Variants in GOT1 observed in about 807,000 individuals in gnomAD.
GOT1 encodes glutamic-oxaloacetic transaminase 1.
A neutral mutation model predicts 48.2 loss-of-function variants in GOT1; 25 were observed. The observed-to-expected ratio is 0.52, with a 90% CI of 0.38 to 0.72. The LOEUF (loss-of-function observed/expected upper bound fraction) is 0.72, where lower values mean the gene tolerates loss of function less well. Ranked by LOEUF, GOT1 falls within the 30% of genes least tolerant of loss-of-function variation. GOT1 has a pLI of 0.00. For missense variants in GOT1, 380 were observed against 520.1 expected, an observed-to-expected ratio of 0.73 and a Z score of 2.62; for synonymous variants, 188 against 193.8, an observed-to-expected ratio of 0.97 and a Z score of 0.25.
At chr10:99,406,024 C>T (rs1380042412) in intron 4 of GOT1, 113 bp downstream of exon 4, 1 of 812,348 alleles carries the variant, frequency 1.2e-6, no homozygotes, top group African/African-American at 1.7e-5. Context: ...CAGAAACCAC[C>T]ATCAGGTATG....
chr10:99,430,304 C>G (rs573880065), intron 1 of GOT1, 144 bp downstream of exon 1: 1 of 1,589,752 alleles, frequency 6.3e-7, no homozygotes, highest in South Asian at 1.1e-5. Context: ...TTTAGGAAGC[C>G]TTCGTGGATC....
intron 8 of GOT1, among the ~76,000 whole-genome samples, chr10:99,398,160 T>C (rs181924583): frequency 6.6e-6 from 1 of 152,312 alleles, no homozygotes; most frequent in East Asian, 1.9e-4. Flanking sequence ...ACCTGATCAA[T>C]CCTGTGTGAA....
chr10:99,430,063 T>C (rs1273156049), intron 1 of GOT1, among the ~76,000 whole-genome samples: 1 of 152,186 alleles, frequency 6.6e-6, no homozygotes, highest in African/African-American at 2.4e-5. Context: ...AAGTTCTCCT[T>C]TACCCATTTC....
chr10:99,404,626 C>T (rs2032729401), intron 5 of GOT1, among the ~76,000 whole-genome samples: 1 of 152,136 alleles, frequency 6.6e-6, no homozygotes, highest in Admixed American at 6.5e-5. Context: ...CCTAACTGCT[C>T]CCACGGCCTG....
In GOT1 at chr10:99,430,555, G is replaced by C. The variant is rs1230759383; in HGVS notation, c.11C>G (p.Pro4Arg). 2 of 1,602,902 alleles carry C rather than the reference G, an allele frequency of 1.2e-6. No individual in the cohort carries two copies. The highest frequency in any genetic ancestry group is 1.7e-6 in the Non-Finnish European group (2 of 1,173,550). ...CTGCGGAACCTCGGCAAAGACTGAC[G>C]GAGGTGCCATATCGAGAGACTAGGA... MAP[P>R]SVFAEVPQAQ... Residue 4 changes from proline to arginine, a missense_variant, in exon 1 of 9, where the codon CCG becomes CGG. Pro to Arg is a moderately radical substitution (Grantham distance 103, BLOSUM62 -2). Coordinates refer to ENST00000370508, the MANE Select transcript of GOT1 (RefSeq NM_002079.3).
intron 2 of GOT1, among the ~76,000 whole-genome samples, chr10:99,416,934 T>A (rs2032902645): frequency 6.6e-6 from 1 of 152,174 alleles, no homozygotes; most frequent in Non-Finnish European, 1.5e-5. Flanking sequence ...TAATTCAAGA[T>A]GGATTAAAGA....
chr10:99,412,411 C>A (rs1168728063), intron 2 of GOT1, among the ~76,000 whole-genome samples: 2 of 151,646 alleles, frequency 1.3e-5, no homozygotes, highest in Non-Finnish European at 2.9e-5. Context: ...CTGCAGCATG[C>A]AGAATGTACT....
rs2032615052 is a variant in GOT1 at position 99,397,416 on chromosome 10, G to A, written c.*131C>T. 1 of 941,102 alleles carries A rather than the reference G, an allele frequency of 1.1e-6. No individual in the cohort carries two copies. The highest frequency in any genetic ancestry group is 1.7e-6 in the Non-Finnish European group (1 of 595,920). 58.3% of individuals were successfully genotyped at this position (941,102 alleles called of 1,614,324 possible). A position where few individuals can be genotyped will look rare whatever the true frequency, so the allele number is the denominator to read the frequency against. On this transcript the variant is annotated 3_prime_UTR_variant, in exon 9 of 9. Transcript: ENST00000370508. The surrounding 1 kb of genome is among the most constrained non-coding windows in gnomAD (Gnocchi z 5.4). ...TCATGTGGGGCCGGTTTAAACAGAG[G>A]CTGCCTCACCAGAGCAGCCTTTCAG...
intron 2 of GOT1, among the ~76,000 whole-genome samples, chr10:99,412,517 G>T (rs185659880): frequency 2.7e-4 from 41 of 151,780 alleles, no homozygotes; most frequent in African/African-American, 9.7e-4. Context: ...CCAAGCAGAA[G>T]AAAGGCTCAG....
In GOT1 at chr10:99,397,218, A is replaced by G; in HGVS notation, c.*329T>C. On this transcript the variant is annotated 3_prime_UTR_variant, in exon 9 of 9. Coordinates refer to ENST00000370508, the MANE Select transcript of GOT1 (RefSeq NM_002079.3). This position sits in a 1 kb window ranked among gnomAD's most constrained non-coding sequence, Gnocchi z 5.4. ...GACTAGAATTTGTACAGAGTCAAAC[A>G]CCACATAGAAGCACGTGGCCGCCAC... is the stretch of plus-strand genomic sequence containing the variant. The G allele has an allele frequency of 4.2e-6, 1 of 238,248 alleles. No homozygotes were observed. The highest frequency in any genetic ancestry group is 8.5e-5 in the East Asian group (1 of 11,708). 14.8% of individuals were successfully genotyped at this position (238,248 alleles called of 1,614,324 possible).
At chr10:99,408,419 A>C (rs1323971351) in intron 2 of GOT1, among the ~76,000 whole-genome samples, 1 of 152,218 alleles carries the variant, frequency 6.6e-6, no homozygotes, top group African/African-American at 2.4e-5. Context: ...AAAAGATCAC[A>C]TGAAAAAGTC....
rs1023804494 is a variant in GOT1 at position 99,396,886 on chromosome 10, T to C, written c.*661A>G. 6 of 152,274 alleles carry C rather than the reference T, an allele frequency of 3.9e-5. No individual in the cohort carries two copies. Among genetic ancestry groups the C allele is most frequent in the African/African-American group, 1.4e-4 (6 of 41,472 alleles). 9.4% of individuals were successfully genotyped at this position (152,274 alleles called of 1,614,324 possible). ...AACTCCATGTCTTGATCAACATTTTTATTTTATTTTTTTAGGTGAAGTAGA... is the reference window on the plus strand; with the variant it reads ...AACTCCATGTCTTGATCAACATTTTCATTTTATTTTTTTAGGTGAAGTAGA... On this transcript the variant is annotated 3_prime_UTR_variant, in exon 9 of 9. Coordinates refer to ENST00000370508, the MANE Select transcript of GOT1 (RefSeq NM_002079.3).
intron 1 of GOT1, among the ~76,000 whole-genome samples, chr10:99,423,321 T>G: frequency 6.6e-6 from 1 of 152,248 alleles, no homozygotes; most frequent in Non-Finnish European, 1.5e-5. Flanking sequence ...CTTTAAATTA[T>G]TTGCTATTAT....
chr10:99,404,005 T>C, intron 5 of GOT1, 131 bp from the exon 6 acceptor site: 2 of 769,140 alleles, frequency 2.6e-6, no homozygotes, highest in East Asian at 2.7e-5. Flanking sequence ...CTTGACTATA[T>C]GCACCCAAGC....
Position 99,405,776 on chromosome 10 carries a change from G to C in GOT1, c.622C>G (p.Gln208Glu), listed in dbSNP as rs374966349. The change falls in exon 5 of 9, where the codon CAG (glutamine) becomes GAG (glutamate). Residue 208 changes from glutamine to glutamate, a missense_variant. Gln to Glu is a conservative substitution (Grantham distance 29, BLOSUM62 2). Coordinates refer to ENST00000370508, the MANE Select transcript of GOT1 (RefSeq NM_002079.3). ...GIDPTPEQWK[Q>E]IASVMKHRFL... ...GTTACCTTCATGACAGAAGCAATCT[G>C]CTTCCACTGCTCCGGAGTTGGGTCA... 1.7e-4 allele frequency: 274 copies of C among 1,589,134 alleles called. 1 individual carries two copies. Among genetic ancestry groups the C allele is most frequent in the Non-Finnish European group, 2.2e-4 (249 of 1,157,392 alleles).
At chr10:99,420,006 C>A (rs1043567580) in intron 2 of GOT1, among the ~76,000 whole-genome samples, 1 of 152,126 alleles carries the variant, frequency 6.6e-6, no homozygotes, top group Non-Finnish European at 1.5e-5. Flanking sequence ...GTGCTGAGAT[C>A]AACAGTAGAA....
intron 2 of GOT1, among the ~76,000 whole-genome samples, chr10:99,415,481 A>C (rs567966747): frequency 2.0e-5 from 3 of 152,372 alleles, no homozygotes; most frequent in South Asian, 4.1e-4. Context: ...GTCCAGGACC[A>C]GACGGATTCA....
At chr10:99,406,516 T>C (rs2032757632) in intron 3 of GOT1, among the ~76,000 whole-genome samples, 1 of 152,320 alleles carries the variant, frequency 6.6e-6, no homozygotes, top group African/African-American at 2.4e-5. Flanking sequence ...CCTTGGTAGA[T>C]ACAAGTCTAC....
chr10:99,407,137 C>T (rs1417114982), intron 2 of GOT1, among the ~76,000 whole-genome samples: 6 of 152,182 alleles, frequency 3.9e-5, no homozygotes, highest in Admixed American at 2.0e-4. Flanking sequence ...CTAGAAGAAG[C>T]TTCCCTTCTG....
Sources: gnomAD v4.1 joint callset for allele counts (sites outside exome capture counted in the v4.1 genomes callset) on GRCh38, gnomAD v4.1.1 for gene constraint, Gnocchi (gnomAD v3.1) non-coding constraint, MANE v1.5 for transcripts, NCBI Gene and HGNC (gene_info 2026-07-23, HGNC 2026-07-21) for gene names.